AGAP1: variants seen among roughly 807,000 people sequenced by gnomAD.
AGAP1 encodes ArfGAP with GTPase domain, ankyrin repeat and PH domain 1.
Under a neutral mutation model 105.3 loss-of-function variants are expected in AGAP1, and 29 were observed. That is an observed-to-expected ratio of 0.28 (90% CI 0.21 to 0.38). AGAP1 has a LOEUF of 0.38. AGAP1 is among the 10% of genes least tolerant of loss of function. AGAP1 has a pLI of 1.00. For synonymous variants in AGAP1, 509 were observed against 485.9 expected, an observed-to-expected ratio of 1.05 and a Z score of -0.63; for missense variants, 998 against 1,165.1, an observed-to-expected ratio of 0.86 and a Z score of 2.09.
chr2:235,942,084 C>T (rs1157679233), intron 12 of AGAP1, among the ~76,000 whole-genome samples: 1 of 152,202 alleles, frequency 6.6e-6, no homozygotes, highest in Non-Finnish European at 1.5e-5. Context: ...CTCATATCCC[C>T]AGCCATGACT....
rs1949744868 is a variant in AGAP1, at chr2:235,691,768, G to A, written c.164-17411G>A. On this transcript the variant is annotated intron_variant, in intron 1 of 17. Coordinates refer to ENST00000304032, the MANE Select transcript of AGAP1 (RefSeq NM_001037131.3). The surrounding 1 kb of genome is among the most constrained non-coding windows in gnomAD (Gnocchi z 4.4). ...CTTCCCTGTCCTGAGTGTGACCTCCGTCATGTTGACCCCTGCACTCCTGCC... is the reference window on the plus strand; with the variant it reads ...CTTCCCTGTCCTGAGTGTGACCTCCATCATGTTGACCCCTGCACTCCTGCC... Among the ~76,000 whole-genome samples the A allele has an allele frequency of 6.6e-6, 1 of 152,148 alleles. No individual in the cohort carries two copies. The highest frequency in any genetic ancestry group is 2.1e-4 in the South Asian group (1 of 4,828).
chr2:235,545,052 A>G (rs538307004), intron 1 of AGAP1, among the ~76,000 whole-genome samples: 5 of 152,284 alleles, frequency 3.3e-5, no homozygotes, highest in Admixed American at 6.5e-5. Flanking sequence ...TTCCGTCCCA[A>G]CCTTCCATCC....
At chr2:236,049,398 A>G in intron 16 of AGAP1, 117 bp downstream of exon 16, 1 of 907,442 alleles carries the variant, frequency 1.1e-6, no homozygotes, top group Non-Finnish European at 1.7e-6. Context: ...GGAATTCGGG[A>G]ATTCCGATTC....
rs529821387 is a variant in AGAP1, at chr2:235,593,862, G to A, written c.163+99013G>A. On this transcript the variant is annotated intron_variant, in intron 1 of 17. Coordinates refer to ENST00000304032, the MANE Select transcript of AGAP1 (RefSeq NM_001037131.3). ...TGAGCATCTGTAGTCCCAGCTGCTT[G>A]GGAGGCTGAGGTAGGAGGATCACTT... Among the ~76,000 whole-genome samples, 5 of 152,176 alleles carry A rather than the reference G, an allele frequency of 3.3e-5. No homozygotes were observed. In the South Asian group the frequency reaches 1.0e-3, roughly 32 times the overall value.
Position 235,612,848 on chromosome 2 carries a change from G to A in AGAP1, c.164-96331G>A, listed in dbSNP as rs986077053. Among the ~76,000 whole-genome samples, 1 of 152,084 alleles carries A rather than the reference G, an allele frequency of 6.6e-6. No individual in the cohort carries two copies. Among genetic ancestry groups the A allele is most frequent in the Non-Finnish European group, 1.5e-5 (1 of 68,018 alleles). On this transcript the variant is annotated intron_variant, in intron 1 of 17. Transcript: ENST00000304032. The surrounding 1 kb of genome is among the most constrained non-coding windows in gnomAD (Gnocchi z 4.3). ...AATGACCCCACGTCTCTGGATTCTGGCTTCTGCTTCCAGTGAGACTCCGCC... is the reference window on the plus strand; with the variant it reads ...AATGACCCCACGTCTCTGGATTCTGACTTCTGCTTCCAGTGAGACTCCGCC...
At chr2:235,909,890 A>T (rs2051493258) in intron 11 of AGAP1, among the ~76,000 whole-genome samples, 1 of 152,058 alleles carries the variant, frequency 6.6e-6, no homozygotes, top group East Asian at 1.9e-4. Flanking sequence ...GCGTGGTAGC[A>T]GGTGCCTGTA....
intron 1 of AGAP1, among the ~76,000 whole-genome samples, chr2:235,673,245 T>G (rs936103093): frequency 3.3e-5 from 5 of 152,198 alleles, no homozygotes; most frequent in African/African-American, 1.2e-4. Flanking sequence ...TTTCCAGTCT[T>G]TACATATTTG....
rs1957314958 is a variant in AGAP1 at position 235,797,884 on chromosome 2, C to A, written c.799C>A (p.Gln267Lys). Residue 267 changes from glutamine (Q) to lysine (K), a missense_variant and splice_region_variant, in exon 7 of 18, where the codon CAG becomes AAG. Gln to Lys is a moderately conservative substitution (Grantham distance 53, BLOSUM62 1). This residue lies in a region of AGAP1 where 735 missense variants were observed against 833.4 expected (regional missense o/e 0.88). Transcript: ENST00000304032. Reference sequence around the variant, plus strand: ...GCAGGTGTCTGCCGTGCACATCAGCCAGGTACGTTAGGTGACATGAGAAGT... The same window carrying A: ...GCAGGTGTCTGCCGTGCACATCAGCAAGGTACGTTAGGTGACATGAGAAGT... The part of the protein sequence containing the change: ...SAQVSAVHIS[Q>K]TSNGGGSLSD... The A allele has an allele frequency of 6.2e-7, 1 of 1,614,038 alleles. No individual in the cohort carries two copies. The highest frequency in any genetic ancestry group is 1.3e-5 in the African/African-American group (1 of 74,932).
chr2:236,079,387 AAAC>A (rs1559254817), intron 16 of AGAP1, among the ~76,000 whole-genome samples: 1 of 151,022 alleles, frequency 6.6e-6, no homozygotes, highest in Non-Finnish European at 1.5e-5. Flanking sequence ...AAAAAAAAAA[AAAC>A]AGGCATGGTG....
intron 1 of AGAP1, among the ~76,000 whole-genome samples, chr2:235,588,500 A>G (rs901847064): frequency 2.6e-5 from 4 of 152,084 alleles, no homozygotes; most frequent in Admixed American, 2.0e-4. Context: ...CACCCTGGTC[A>G]TATCTGGCCT....
At chr2:235,704,684 TC>T (rs1487886494) in intron 1 of AGAP1, among the ~76,000 whole-genome samples, 1 of 152,102 alleles carries the variant, frequency 6.6e-6, no homozygotes, top group African/African-American at 2.4e-5. Flanking sequence ...ATTTCCAGAG[TC>T]CCGGCTGATG....
chr2:235,785,532 A>G (rs1057191642), intron 6 of AGAP1, among the ~76,000 whole-genome samples: 1 of 151,928 alleles, frequency 6.6e-6, no homozygotes, highest in African/African-American at 2.4e-5. Flanking sequence ...TGATCTTCTC[A>G]TCTTTTTTTC....
At chr2:236,026,568 A>C (rs1408631594) in intron 13 of AGAP1, among the ~76,000 whole-genome samples, 3 of 152,152 alleles carry the variant, frequency 2.0e-5, no homozygotes, top group African/African-American at 7.2e-5. Context: ...AGCTCTACTA[A>C]AAATACAAAA....
At chr2:235,537,680 ATTGTTGAGTT>A (rs1943285910) in intron 1 of AGAP1, among the ~76,000 whole-genome samples, 1 of 152,200 alleles carries the variant, frequency 6.6e-6, no homozygotes, top group East Asian at 1.9e-4. Flanking sequence ...TCACACTTAA[ATTGTTGAGTT>A]CCCAGTCTTG....
At chr2:235,590,785 A>G (rs1278123750) in intron 1 of AGAP1, among the ~76,000 whole-genome samples, 8 of 117,170 alleles carry the variant, frequency 6.8e-5, no homozygotes, top group African/African-American at 2.8e-4. Context: ...CAGTGGTGTG[A>G]TCTCGGCTCA....
chr2:235,912,987 T>C (rs1330779427), intron 11 of AGAP1, among the ~76,000 whole-genome samples: 3 of 152,230 alleles, frequency 2.0e-5, no homozygotes, highest in Non-Finnish European at 4.4e-5. Context: ...CTTTTTCTTA[T>C]TGATATCTGA....
Position 235,612,635 on chromosome 2 carries a change from T to C in AGAP1, c.164-96544T>C, listed in dbSNP as rs1204065904. On this transcript the variant is annotated intron_variant, in intron 1 of 17. Coordinates refer to ENST00000304032, the MANE Select transcript of AGAP1 (RefSeq NM_001037131.3). The surrounding 1 kb of genome is among the most constrained non-coding windows in gnomAD (Gnocchi z 4.3). ...GCATGAAACTCATGTTAAGAACAGTTGTGGTTCACGTGTACCAAACTTGGG... is the reference window on the plus strand; with the variant it reads ...GCATGAAACTCATGTTAAGAACAGTCGTGGTTCACGTGTACCAAACTTGGG... 6.6e-6 allele frequency among the ~76,000 whole-genome samples: 1 copy of C among 152,224 alleles called. No individual in the cohort carries two copies. Among genetic ancestry groups the C allele is most frequent in the Admixed American group, 6.5e-5 (1 of 15,288 alleles).
rs74386514 is a variant in AGAP1 at position 236,029,066 on chromosome 2, G to T, written c.1646-7495G>T. ...ACCTCTCCCAGTAGAGCAGTACAAG[G>T]CCCTATGACATCGTAACTCCCATGT... is the stretch of plus-strand genomic sequence containing the variant. On this transcript the variant is annotated intron_variant, in intron 13 of 17. Coordinates refer to ENST00000304032, the MANE Select transcript of AGAP1 (RefSeq NM_001037131.3). Among the ~76,000 whole-genome samples, 361 of 152,214 alleles carry T rather than the reference G, an allele frequency of 2.4e-3. 1 individual carries two copies. Among genetic ancestry groups the T allele is most frequent in the African/African-American group, 8.0e-3 (331 of 41,512 alleles).
chr2:236,121,129 G>A lies in AGAP1; in HGVS notation c.2370+682G>A, dbSNP rs2059887170. 6.6e-6 allele frequency among the ~76,000 whole-genome samples: 1 copy of A among 152,164 alleles called. No individual in the cohort carries two copies. The highest frequency in any genetic ancestry group is 2.4e-5 in the African/African-American group (1 of 41,442). The stretch of plus-strand genomic sequence containing the variant: ...GCCGGCAGGGAGGCTCCCCAGATAG[G>A]GAAGGCAAGTGTGTGCCCAGAAGTG... On this transcript the variant is annotated intron_variant, in intron 17 of 17. Transcript: ENST00000304032. The surrounding 1 kb of genome is among the most constrained non-coding windows in gnomAD (Gnocchi z 4.9).
Sources: allele counts gnomAD v4.1 joint callset (sites outside exome capture counted in the v4.1 genomes callset), GRCh38; gene constraint gnomAD v4.1.1; regional missense constraint gnomAD v4.1.1; non-coding constraint Gnocchi (gnomAD v3.1); transcripts MANE v1.5; gene names NCBI Gene and HGNC (gene_info 2026-07-23, HGNC 2026-07-21).